Variants in LUZP2 observed in about 807,000 individuals in gnomAD.
LUZP2 encodes leucine zipper protein 2.
LUZP2 carries 52 observed loss-of-function variants against 51.6 expected under a neutral mutation model. The observed-to-expected ratio is 1.01, with a 90% CI of 0.81 to 1.27. LUZP2 has a LOEUF of 1.27. Among genes scored for constraint, LUZP2 ranks in the 50% most tolerant of loss-of-function variants. The pLI, the probability that LUZP2 is intolerant of heterozygous loss-of-function variation, is 0.00. For synonymous variants in LUZP2, 154 were observed against 137.3 expected (o/e 1.12, Z -0.85); for missense variants, 436 against 395.4 (o/e 1.10, Z -0.87).
chr11:24,660,918 G>C (rs1332068134), intron 1 of LUZP2, among the ~76,000 whole-genome samples: 2 of 151,996 alleles, frequency 1.3e-5, no homozygotes, highest in African/African-American at 2.4e-5. Flanking sequence ...GGAGGTGTGG[G>C]TCATAGTTTT....
rs199740839 is a variant in LUZP2, at chr11:24,667,184, C to CTTT, written c.63-61970_63-61968dup. Among the ~76,000 whole-genome samples, 563 of 132,028 alleles carry CTTT rather than the reference C, an allele frequency of 4.3e-3. 12 individuals carry two copies. The highest frequency in any genetic ancestry group is 0.011 in the African/African-American group (391 of 34,482). 86.6% of individuals were successfully genotyped at this position (132,028 alleles called of 152,430 possible). ...GCCCAAATATACATTTTCTTTTTTT[C>CTTT]TTTTTTTTTTTTTTTTTGAGACGGA... On this transcript the variant is annotated intron_variant, in intron 1 of 11. Transcript: ENST00000336930.
intron 7 of LUZP2, among the ~76,000 whole-genome samples, chr11:24,929,946 T>C (rs1164172708): frequency 3.9e-5 from 6 of 152,168 alleles, no homozygotes; most frequent in Non-Finnish European, 7.4e-5. Flanking sequence ...AATTGTGACA[T>C]TTCCCTGTAG....
At chr11:24,530,414 T>C (rs1373529743) in intron 1 of LUZP2, among the ~76,000 whole-genome samples, 1 of 150,776 alleles carries the variant, frequency 6.6e-6, no homozygotes, top group African/African-American at 2.4e-5. Flanking sequence ...CCCACACACA[T>C]ATATATGTGT....
At chr11:24,583,656 C>T (rs1852952750) in intron 1 of LUZP2, among the ~76,000 whole-genome samples, 1 of 151,436 alleles carries the variant, frequency 6.6e-6, no homozygotes, top group Admixed American at 6.6e-5. Flanking sequence ...AAAAATAAAG[C>T]AGATTGTAAT....
Position 24,719,961 on chromosome 11 carries a change from A to G in LUZP2, c.63-9208A>G, listed in dbSNP as rs142524915. ...TGATGAACAAAAGATCGCAAATACA[A>G]GAATAAGCCCAACCAAGTGAATGGC... On this transcript the variant is annotated intron_variant, in intron 1 of 11. Transcript: ENST00000336930. 6.1e-3 allele frequency among the ~76,000 whole-genome samples: 925 copies of G among 152,344 alleles called. 6 individuals carry two copies. The highest frequency in any genetic ancestry group is 0.01 in the Non-Finnish European group (711 of 68,032).
At chr11:24,622,133 G>T (rs7943759) in intron 1 of LUZP2, among the ~76,000 whole-genome samples, 79,655 of 150,906 alleles carry the variant, frequency 0.53, 22,119 homozygotes, top group African/African-American at 0.72. Flanking sequence ...TTTTTTTAAT[G>T]TTATTATTAT....
intron 4 of LUZP2, among the ~76,000 whole-genome samples, chr11:24,741,613 A>C (rs1338451953): frequency 6.6e-6 from 1 of 151,118 alleles, no homozygotes; most frequent in African/African-American, 2.4e-5. Flanking sequence ...TCATTCTTAT[A>C]ACTTTGCGTC....
chr11:24,906,357 A>G (rs951313153), intron 6 of LUZP2, among the ~76,000 whole-genome samples: 38 of 151,620 alleles, frequency 2.5e-4, no homozygotes, highest in African/African-American at 8.5e-4. Context: ...CTGGGAGTCC[A>G]TAAAATTTCC....
chr11:24,513,317 C>G (rs1298449130), intron 1 of LUZP2, among the ~76,000 whole-genome samples: 1 of 152,110 alleles, frequency 6.6e-6, no homozygotes, highest in Non-Finnish European at 1.5e-5. Context: ...CTAAAAACAT[C>G]TATATTTGAA....
At chr11:24,912,433 A>G (rs1168548417) in intron 6 of LUZP2, among the ~76,000 whole-genome samples, 3 of 152,086 alleles carry the variant, frequency 2.0e-5, no homozygotes, top group Non-Finnish European at 4.4e-5. Context: ...AATCATACTT[A>G]TAGCATTGAA....
At chr11:24,768,138 T>C (rs1860266341) in intron 5 of LUZP2, among the ~76,000 whole-genome samples, 1 of 152,104 alleles carries the variant, frequency 6.6e-6, no homozygotes, top group Middle Eastern at 3.2e-3. Context: ...TTGAAATTTT[T>C]TTTTTCCTTT....
intron 9 of LUZP2, among the ~76,000 whole-genome samples, chr11:25,036,032 G>A (rs1312568653): frequency 6.6e-6 from 1 of 152,050 alleles, no homozygotes; most frequent in Non-Finnish European, 1.5e-5. Flanking sequence ...AATAGTTTCA[G>A]TAAGATTGGT....
At chr11:24,527,193 T>C (rs1850833138) in intron 1 of LUZP2, among the ~76,000 whole-genome samples, 3 of 151,484 alleles carry the variant, frequency 2.0e-5, no homozygotes, top group African/African-American at 7.2e-5. Context: ...GATATTTATT[T>C]TTTGTTCCTC....
chr11:24,841,817 T>C (rs1381356079), intron 5 of LUZP2, among the ~76,000 whole-genome samples: 2 of 152,088 alleles, frequency 1.3e-5, no homozygotes. Context: ...ACGGTGCAAG[T>C]ATAGACAGAC....
At chr11:25,067,835 A>T (rs1407056460) in intron 10 of LUZP2, among the ~76,000 whole-genome samples, 13 of 152,076 alleles carry the variant, frequency 8.5e-5, no homozygotes, top group Non-Finnish European at 1.9e-4. Context: ...GAAGGATTAT[A>T]AATCATTCTA....
chr11:24,935,044 C>T (rs1854550909), intron 7 of LUZP2, among the ~76,000 whole-genome samples: 1 of 152,158 alleles, frequency 6.6e-6, no homozygotes, highest in Non-Finnish European at 1.5e-5. Context: ...GAATAAGGCA[C>T]AAGTCAGGAT....
intron 7 of LUZP2, among the ~76,000 whole-genome samples, chr11:24,915,425 A>C (rs1853759801): frequency 6.6e-6 from 1 of 152,118 alleles, no homozygotes; most frequent in Admixed American, 6.6e-5. Flanking sequence ...TACACAATCA[A>C]AGCAGAAAAA....
chr11:24,808,110 A>G (rs1241243061), intron 5 of LUZP2, among the ~76,000 whole-genome samples: 2 of 152,208 alleles, frequency 1.3e-5, no homozygotes, highest in African/African-American at 2.4e-5. Context: ...TGTATATTTT[A>G]GAGTTTATAC....
intron 5 of LUZP2, among the ~76,000 whole-genome samples, chr11:24,833,684 C>T (rs941077790): frequency 6.5e-5 from 9 of 138,024 alleles, no homozygotes; most frequent in African/African-American, 2.4e-4. Context: ...ACACACGTCA[C>T]GTCCCCCACG....
Sources: allele counts gnomAD v4.1 joint callset (sites outside exome capture counted in the v4.1 genomes callset), GRCh38; gene constraint gnomAD v4.1.1; transcripts MANE v1.5; gene names NCBI Gene and HGNC (gene_info 2026-07-23, HGNC 2026-07-21).